DGAT2: variants seen among roughly 807,000 people sequenced by gnomAD.
The protein encoded by DGAT2 is diacylglycerol O-acyltransferase 2.
In DGAT2, 33 loss-of-function variants were observed where a neutral mutation model predicts 48.4. That is an observed-to-expected ratio of 0.68 (90% CI 0.52 to 0.91). The LOEUF (loss-of-function observed/expected upper bound fraction) is 0.91, where lower values mean the gene tolerates loss of function less well. DGAT2 is among the 40% of genes least tolerant of loss of function. The pLI is 0.00. For synonymous variants in DGAT2, 191 were observed against 194.1 expected (o/e 0.98, Z 0.13); for missense variants, 446 against 493.7 (o/e 0.90, Z 0.92).
rs2135768396 is a variant in DGAT2, at chr11:75,784,660, C to G, written c.164C>G (p.Ser55Cys). The change falls in exon 2 of 8, where the codon TCT becomes TGT. Residue 55 changes from serine (S) to cysteine (C), a missense_variant. Physicochemically the swap from Ser to Cys is moderately radical, Grantham distance 112. Coordinates refer to ENST00000228027, the MANE Select transcript of DGAT2 (RefSeq NM_032564.5). ...CTCTCCGCCCTCCAGGACCTCTTCT[C>G]TGTCACCTGGCTCAATAGGTCCAAG... ...SILSALQDLF[S>C]VTWLNRSKVE... 1 of 1,614,126 alleles carries G rather than the reference C, an allele frequency of 6.2e-7. No individual in the cohort carries two copies. The highest frequency in any genetic ancestry group is 8.5e-7 in the Non-Finnish European group (1 of 1,179,984).
intron 1 of DGAT2, among the ~76,000 whole-genome samples, chr11:75,769,948 T>G (rs1490844510): frequency 6.6e-6 from 1 of 152,132 alleles, no homozygotes; most frequent in Non-Finnish European, 1.5e-5. Flanking sequence ...CTGACATGGA[T>G]TTTTCTTTAG....
At chr11:75,777,918 G>C (rs974505247) in intron 1 of DGAT2, among the ~76,000 whole-genome samples, 1 of 152,096 alleles carries the variant, frequency 6.6e-6, no homozygotes, top group African/African-American at 2.4e-5. Flanking sequence ...ACATTAATAC[G>C]TAGGTGTTTT....
intron 1 of DGAT2, among the ~76,000 whole-genome samples, chr11:75,782,001 A>G (rs1565315429): frequency 6.6e-6 from 1 of 152,044 alleles, no homozygotes; most frequent in African/African-American, 2.4e-5. Context: ...TCCTCCTCCA[A>G]GCTGCATGGG....
rs372990813 is a variant in DGAT2, at chr11:75,769,083, C to T, written c.92C>T (p.Ala31Val). Residue 31 changes from alanine to valine, a missense_variant, in exon 1 of 8, where the codon GCG (alanine) becomes GTG (valine). Ala to Val is a moderately conservative substitution (Grantham distance 64). Coordinates refer to ENST00000228027, the MANE Select transcript of DGAT2 (RefSeq NM_032564.5). ...AGCCAGCGCTCTCACGGAGGACCTG[C>T]GCTGTCGCGCGAGGGGTCTGGGAGA... ...DRSQRSHGGP[A>V]LSREGSGRWG... 1 of 1,574,904 alleles carries T rather than the reference C, an allele frequency of 6.3e-7. No individual in the cohort carries two copies. Among genetic ancestry groups the T allele is most frequent in the Non-Finnish European group, 8.6e-7 (1 of 1,164,618 alleles).
At chr11:75,777,627 G>A (rs1944815014) in intron 1 of DGAT2, among the ~76,000 whole-genome samples, 1 of 152,138 alleles carries the variant, frequency 6.6e-6, no homozygotes, top group South Asian at 2.1e-4. Context: ...CTTCCTACGA[G>A]TTAGAGGCCA....
Position 75,796,386 on chromosome 11 carries a change from A to T in DGAT2, c.488A>T (p.His163Leu), listed in dbSNP as rs1248099720. The T allele has an allele frequency of 6.2e-7, 1 of 1,613,922 alleles. No homozygotes were observed. The highest frequency in any genetic ancestry group is 8.5e-7 in the Non-Finnish European group (1 of 1,179,938). Residue 163 changes from histidine to leucine, a missense_variant, in exon 5 of 8, where the codon CAT (histidine) becomes CTT (leucine). Coordinates refer to ENST00000228027, the MANE Select transcript of DGAT2 (RefSeq NM_032564.5). ...TRNYIFGYHP[H>L]GIMGLGAFCN... is the part of the protein sequence containing the mutation. ...AACTATATCTTTGGATACCACCCCC[A>T]TGGTATCATGGGCCTGGGTGCCTTC... is the stretch of plus-strand genomic sequence containing the variant.
intron 1 of DGAT2, among the ~76,000 whole-genome samples, chr11:75,780,927 C>T (rs1229041005): frequency 2.0e-5 from 3 of 152,358 alleles, no homozygotes; most frequent in African/African-American, 7.2e-5. Flanking sequence ...ATGGAGGGAA[C>T]TCCGGGGGCC....
At chr11:75,785,121 G>C (rs1944908573) in intron 2 of DGAT2, among the ~76,000 whole-genome samples, 1 of 152,192 alleles carries the variant, frequency 6.6e-6, no homozygotes, top group Non-Finnish European at 1.5e-5. Context: ...TTTCCAGCAG[G>C]TATGTTACTT....
intron 1 of DGAT2, among the ~76,000 whole-genome samples, chr11:75,783,737 C>T (rs376558669): frequency 1.7e-4 from 26 of 152,266 alleles, no homozygotes; most frequent in African/African-American, 5.5e-4. Flanking sequence ...CATGCTCTTC[C>T]CCAGTGCTGT....
intron 1 of DGAT2, among the ~76,000 whole-genome samples, chr11:75,780,648 C>G (rs895142148): frequency 1.3e-5 from 2 of 152,218 alleles, no homozygotes; most frequent in Admixed American, 6.5e-5. Flanking sequence ...CCCCTTCCAG[C>G]TCCCCACCAC....
At chr11:75,784,863 C>T in intron 2 of DGAT2, 117 bp downstream of exon 2, 2 of 1,401,208 alleles carry the variant, frequency 1.4e-6, no homozygotes, top group Non-Finnish European at 2.0e-6. Flanking sequence ...CTTACACATG[C>T]TGCCCCACAG....
intron 1 of DGAT2, among the ~76,000 whole-genome samples, chr11:75,775,245 G>A (rs1382625501): frequency 6.6e-6 from 1 of 152,172 alleles, no homozygotes; most frequent in Non-Finnish European, 1.5e-5. Context: ...GGAGGAAGAG[G>A]CTTAGCGCCC....
chr11:75,775,261 G>A (rs1039355528), intron 1 of DGAT2, among the ~76,000 whole-genome samples: 3 of 152,206 alleles, frequency 2.0e-5, no homozygotes, highest in African/African-American at 7.2e-5. Flanking sequence ...CGCCCCTGCA[G>A]GTCTACAGAT....
chr11:75,788,850 T>A (rs1210223004), intron 2 of DGAT2, among the ~76,000 whole-genome samples: 1 of 152,118 alleles, frequency 6.6e-6, no homozygotes, highest in Non-Finnish European at 1.5e-5. Context: ...AGAAGATGCC[T>A]CCCCACCCAG....
chr11:75,789,964 G>A (rs1460015287), intron 2 of DGAT2, among the ~76,000 whole-genome samples: 1 of 152,206 alleles, frequency 6.6e-6, no homozygotes, highest in Non-Finnish European at 1.5e-5. Flanking sequence ...CTCGATGCCA[G>A]GACAGTCCAT....
rs1002793870 is a variant in DGAT2 at position 75,778,630 on chromosome 11, C to T, written c.122-5988C>T. Among the ~76,000 whole-genome samples the T allele has an allele frequency of 4.6e-5, 7 of 152,074 alleles. No homozygotes were observed. The South Asian group carries it at 6.2e-4, about 14-fold the overall frequency. ...CGGGCGGATCACGAGATCAGGAGATCGAGACCATCCTGGCTAACATGGTGA... is the reference window on the plus strand; with the variant it reads ...CGGGCGGATCACGAGATCAGGAGATTGAGACCATCCTGGCTAACATGGTGA... On this transcript the variant is annotated intron_variant, in intron 1 of 7. Coordinates refer to ENST00000228027, the MANE Select transcript of DGAT2 (RefSeq NM_032564.5).
At chr11:75,785,649 C>T (rs191040603) in intron 2 of DGAT2, among the ~76,000 whole-genome samples, 307 of 152,334 alleles carry the variant, frequency 2.0e-3, no homozygotes, top group Non-Finnish European at 3.3e-3. Context: ...TGAACCTGCT[C>T]CAGAGCATCA....
Position 75,795,692 on chromosome 11 carries a change from A to G in DGAT2, c.430-636A>G, listed in dbSNP as rs11821219. On this transcript the variant is annotated intron_variant, in intron 4 of 7. Coordinates refer to ENST00000228027, the MANE Select transcript of DGAT2 (RefSeq NM_032564.5). The stretch of plus-strand genomic sequence containing the variant: ...CTGCCTTAGAACCTGAACTGAGCCC[A>G]GCTGACTGTGGGAAAGTTTCCATTT... 9.1e-3 allele frequency: 1,395 copies of G among 153,802 alleles called. 23 individuals carry two copies. Among genetic ancestry groups the G allele is most frequent in the African/African-American group, 0.032 (1,344 of 41,576 alleles). 9.5% of individuals were successfully genotyped at this position (153,802 alleles called of 1,614,324 possible).
rs774658827 is a variant in DGAT2 at position 75,768,969 on chromosome 11, C to T, written c.-23C>T. On this transcript the variant is annotated 5_prime_UTR_variant, in exon 1 of 8. Coordinates refer to ENST00000228027, the MANE Select transcript of DGAT2 (RefSeq NM_032564.5). ...CGGGGTGAAGCGGCTTCCCGCGGGG[C>T]CGTGACTGGGCGGGCTTCAGCCATG... is the stretch of plus-strand genomic sequence containing the variant. The T allele has an allele frequency of 1.7e-5, 25 of 1,481,506 alleles. No homozygotes were observed. The highest frequency in any genetic ancestry group is 2.1e-5 in the Non-Finnish European group (24 of 1,118,126). The allele number at this position is 1,481,506 out of a possible 1,614,324, so 91.8% of individuals were successfully genotyped here. A position where few individuals can be genotyped will look rare whatever the true frequency, so the allele number is the denominator to read the frequency against.
Sources: allele counts gnomAD v4.1 joint callset (sites outside exome capture counted in the v4.1 genomes callset), GRCh38; gene constraint gnomAD v4.1.1; transcripts MANE v1.5; gene names NCBI Gene and HGNC (gene_info 2026-07-23, HGNC 2026-07-21).